Variants in CNTN5 observed in about 807,000 individuals in gnomAD.
The protein encoded by CNTN5 is contactin-5.
CNTN5 carries 77 observed loss-of-function variants against 129.1 expected under a neutral mutation model. The observed-to-expected ratio is 0.60, with a 90% confidence interval of 0.50 to 0.72. The LOEUF (loss-of-function observed/expected upper bound fraction) is 0.72. CNTN5 is among the 30% of genes least tolerant of loss of function. The pLI is 0.00. For missense variants in CNTN5, 1,478 were observed against 1,328.8 expected (o/e 1.11, Z -1.75); for synonymous variants, 509 against 465.6 (o/e 1.09, Z -1.20).
chr11:99,245,664 A>C (rs1861780188), intron 1 of CNTN5, among the ~76,000 whole-genome samples: 1 of 152,100 alleles, frequency 6.6e-6, no homozygotes, highest in African/African-American at 2.4e-5. Context: ...TAGAGACCAG[A>C]AAACAGCTTT....
At chr11:99,138,984 T>C (rs1326000282) in intron 1 of CNTN5, among the ~76,000 whole-genome samples, 1 of 152,192 alleles carries the variant, frequency 6.6e-6, no homozygotes, top group East Asian at 1.9e-4. Context: ...CTCACTCCTG[T>C]AATCCTAGCA....
intron 2 of CNTN5, among the ~76,000 whole-genome samples, chr11:99,494,982 AC>A (rs1226870603): frequency 6.6e-6 from 1 of 152,186 alleles, no homozygotes; most frequent in Non-Finnish European, 1.5e-5. Context: ...TCCAATATAA[AC>A]TTTTATAGAT....
chr11:99,403,059 T>C lies in CNTN5; in HGVS notation c.-71+77575T>C, dbSNP rs558213292. On this transcript the variant is annotated intron_variant, in intron 2 of 24. Coordinates refer to ENST00000524871, the MANE Select transcript of CNTN5 (RefSeq NM_014361.4). ...TCTTGCTCTGTCACCCAGGCTGGAG[T>C]GCAGTGGCGGGATTCCAGCTCACTG... Among the ~76,000 whole-genome samples the C allele has an allele frequency of 4.7e-5, 7 of 149,656 alleles. 1 individual carries two copies. In the South Asian group the frequency reaches 1.5e-3, roughly 31 times the overall value.
chr11:99,504,544 A>AAAAG (rs1555009595), intron 2 of CNTN5, among the ~76,000 whole-genome samples: 3 of 151,854 alleles, frequency 2.0e-5, no homozygotes, highest in African/African-American at 7.2e-5. Context: ...AAAAAAAAAA[A>AAAAG]AAAGAAAGAA....
Position 99,714,793 on chromosome 11 carries a change from T to C in CNTN5, c.56-104751T>C, listed in dbSNP as rs1002269849. 2.0e-5 allele frequency among the ~76,000 whole-genome samples: 3 copies of C among 151,344 alleles called. No individual in the cohort carries two copies. The Admixed American group carries it at 2.0e-4, about 10-fold the overall frequency. On this transcript the variant is annotated intron_variant, in intron 3 of 24. Coordinates refer to ENST00000524871, the MANE Select transcript of CNTN5 (RefSeq NM_014361.4). Reference sequence around the variant, plus strand: ...GATTATCATTTGTTTGATGGAAATATAATTATACATACTATTAATATATCA... The same window carrying C: ...GATTATCATTTGTTTGATGGAAATACAATTATACATACTATTAATATATCA...
chr11:100,228,408 C>T (rs1429759655), intron 16 of CNTN5, among the ~76,000 whole-genome samples: 1 of 152,180 alleles, frequency 6.6e-6, no homozygotes, highest in Non-Finnish European at 1.5e-5. Flanking sequence ...CCACCTTGAA[C>T]CCCACCCTAT....
At chr11:100,037,938 T>G (rs543560332) in intron 9 of CNTN5, among the ~76,000 whole-genome samples, 1 of 152,302 alleles carries the variant, frequency 6.6e-6, no homozygotes, top group Non-Finnish European at 1.5e-5. Context: ...TTCATTGATT[T>G]TTTGAAGGGT....
chr11:99,789,089 T>C (rs996099197), intron 3 of CNTN5, among the ~76,000 whole-genome samples: 1 of 151,888 alleles, frequency 6.6e-6, no homozygotes, highest in African/African-American at 2.4e-5. Context: ...AAAAAAAAAT[T>C]ATAAGAAATA....
intron 3 of CNTN5, among the ~76,000 whole-genome samples, chr11:99,766,191 A>G (rs921146074): frequency 2.0e-5 from 3 of 152,098 alleles, no homozygotes; most frequent in Admixed American, 6.6e-5. Context: ...TATTTAAACT[A>G]GAAGCAATTT....
At chr11:99,791,717 T>G (rs1945749818) in intron 3 of CNTN5, among the ~76,000 whole-genome samples, 1 of 152,192 alleles carries the variant, frequency 6.6e-6, no homozygotes, top group Admixed American at 6.5e-5. Context: ...AGTTTGGCAT[T>G]TTTAACAATC....
intron 1 of CNTN5, among the ~76,000 whole-genome samples, chr11:99,274,339 C>T (rs1000694930): frequency 6.6e-6 from 1 of 151,652 alleles, no homozygotes; most frequent in Non-Finnish European, 1.5e-5. Flanking sequence ...TATGTGTTAA[C>T]ATTCTAAAAT....
At chr11:99,732,424 G>A (rs1038683057) in intron 3 of CNTN5, among the ~76,000 whole-genome samples, 1 of 124,264 alleles carries the variant, frequency 8.0e-6, no homozygotes, top group African/African-American at 2.7e-5. Flanking sequence ...TAATAACTCA[G>A]TATAATAACT....
Position 100,188,696 on chromosome 11 carries a change from T to C in CNTN5, c.1581-2430T>C, listed in dbSNP as rs924199875. Among the ~76,000 whole-genome samples the C allele has an allele frequency of 5.9e-5, 9 of 152,128 alleles. No homozygotes were observed. The East Asian group carries it at 1.7e-3, about 29-fold the overall frequency. ...GCAATTTGGAGATTCCTCAGAGAAC[T>C]TAAACTGCTATTCAACCCAACAATC... is the stretch of plus-strand genomic sequence containing the variant. On this transcript the variant is annotated intron_variant, in intron 13 of 24. Transcript: ENST00000524871.
chr11:99,692,492 G>T (rs974665863), intron 3 of CNTN5, among the ~76,000 whole-genome samples: 3 of 152,032 alleles, frequency 2.0e-5, no homozygotes. Flanking sequence ...CACTTACAAA[G>T]CTTGGTTTTG....
intron 1 of CNTN5, among the ~76,000 whole-genome samples, chr11:99,285,377 T>A (rs1192689980): frequency 6.6e-6 from 1 of 152,112 alleles, no homozygotes; most frequent in Admixed American, 6.6e-5. Context: ...ACTCCACTCC[T>A]TCCATCAGCC....
intron 1 of CNTN5, among the ~76,000 whole-genome samples, chr11:99,156,618 G>C (rs4237597): frequency 0.91 from 138,131 of 151,984 alleles, 63,019 homozygotes; most frequent in East Asian, 0.99. Flanking sequence ...CTACAAATAC[G>C]AAAATTAGCA....
At position 99,091,197 on chromosome 11, in the gene CNTN5, T is replaced by G. The variant is rs533929321; in HGVS notation, c.-210+69927T>G. ...AGACTGAACAAACAATTCCTACCAC[T>G]TGCGGTCCTGTTACTATAACTTTGG... On this transcript the variant is annotated intron_variant, in intron 1 of 24. Transcript: ENST00000524871. 1.3e-4 allele frequency among the ~76,000 whole-genome samples: 20 copies of G among 152,274 alleles called. No homozygotes were observed. In the East Asian group the frequency reaches 3.9e-3, roughly 29 times the overall value.
chr11:99,558,366 T>A (rs1368321354), intron 3 of CNTN5: 1 of 312,548 alleles, frequency 3.2e-6, no homozygotes. Flanking sequence ...AAAAGAAAGT[T>A]TTGTGTGTAT....
chr11:99,651,875 G>T (rs1198225528), intron 3 of CNTN5, among the ~76,000 whole-genome samples: 4 of 151,802 alleles, frequency 2.6e-5, no homozygotes, highest in African/African-American at 4.8e-5. Flanking sequence ...TACAGAAAAT[G>T]GATAAGATTT....
Sources: allele counts gnomAD v4.1 joint callset (sites outside exome capture counted in the v4.1 genomes callset), GRCh38; gene constraint gnomAD v4.1.1; transcripts MANE v1.5; gene names NCBI Gene and HGNC (gene_info 2026-07-23, HGNC 2026-07-21).